NCAPD3: variants seen among roughly 807,000 people sequenced by gnomAD.
NCAPD3 encodes non-SMC condensin II complex subunit D3.
In NCAPD3, 105 loss-of-function variants were observed where a neutral mutation model predicts 182.9. The ratio of observed to expected loss-of-function variants is 0.57; its 90% CI spans 0.49 to 0.68. The LOEUF is 0.68. Among genes scored for constraint, NCAPD3 ranks in the 30% least tolerant of loss-of-function variants. NCAPD3 has a pLI of 0.00. For synonymous variants in NCAPD3, 815 were observed against 679.9 expected (o/e 1.20, Z -3.09); for missense variants, 1,944 against 1,837.0 (o/e 1.06, Z -1.07).
Position 134,203,073 on chromosome 11 carries a change from A to G in NCAPD3, c.1525+69T>C, listed in dbSNP as rs1040124581. On this transcript the variant is annotated intron_variant, in intron 12 of 34. Coordinates refer to ENST00000534548, the MANE Select transcript of NCAPD3 (RefSeq NM_015261.3). ...GCAGGTAAATAAGGAGGTAAGAAAA[A>G]CATTTTAAATATTCCACAAATTTTT... 5 of 1,331,528 alleles carry G rather than the reference A, an allele frequency of 3.8e-6. No homozygotes were observed. In the African/African-American group the frequency reaches 7.4e-5, roughly 20 times the overall value. The allele number at this position is 1,331,528 out of a possible 1,614,324, so 82.5% of individuals were successfully genotyped here.
At chr11:134,156,563 C>G (rs1226230385) in intron 32 of NCAPD3, among the ~76,000 whole-genome samples, 1 of 152,218 alleles carries the variant, frequency 6.6e-6, no homozygotes, top group Non-Finnish European at 1.5e-5. Flanking sequence ...GGGAATGAGA[C>G]ACAGGCTCCG....
At chr11:134,173,142 A>C (rs1591834322) in intron 24 of NCAPD3, 1 of 153,192 alleles carries the variant, frequency 6.5e-6, no homozygotes, top group African/African-American at 2.4e-5. Flanking sequence ...CTCAGAAGTG[A>C]CCATCGTCCA....
At position 134,204,801 on chromosome 11, in the gene NCAPD3, T is replaced by C; in HGVS notation, c.1089+98A>G. 1 of 959,134 alleles carries C rather than the reference T, an allele frequency of 1.0e-6. No individual in the cohort carries two copies. Among genetic ancestry groups the C allele is most frequent in the South Asian group, 1.7e-5 (1 of 58,774 alleles). The allele number at this position is 959,134 out of a possible 1,614,324, so 59.4% of individuals were successfully genotyped here. A position where few individuals can be genotyped will look rare whatever the true frequency, so the allele number is the denominator to read the frequency against. On this transcript the variant is annotated intron_variant, in intron 9 of 34. Transcript: ENST00000534548. The surrounding 1 kb of genome is among the most constrained non-coding windows in gnomAD (Gnocchi z 4.3). ...ACTTTAAGTAACAATGCACACTCATTCCCAAGAACAAATACCCACACTCAC... is the reference window on the plus strand; with the variant it reads ...ACTTTAAGTAACAATGCACACTCATCCCCAAGAACAAATACCCACACTCAC...
intron 13 of NCAPD3, among the ~76,000 whole-genome samples, chr11:134,197,273 C>CTTTTTTTTT (rs35691982): frequency 1.8e-5 from 2 of 111,976 alleles, no homozygotes; most frequent in Non-Finnish European, 1.8e-5. Context: ...AGTCTCACAT[C>CTTTTTTTTT]TTTTTTTTTT....
chr11:134,180,297 C>T (rs562542523), intron 20 of NCAPD3, among the ~76,000 whole-genome samples: 62 of 152,066 alleles, frequency 4.1e-4, no homozygotes, highest in African/African-American at 1.5e-3. Context: ...AGAGCTAGGC[C>T]AACAAGCAGA....
At chr11:134,210,132 G>A in intron 4 of NCAPD3, 138 bp downstream of exon 4, 1 of 663,698 alleles carries the variant, frequency 1.5e-6, no homozygotes, top group Non-Finnish European at 2.6e-6. Context: ...ACACAAAGCA[G>A]TATTGGATAG....
chr11:134,161,203 A>G (rs1943569310), intron 28 of NCAPD3, among the ~76,000 whole-genome samples: 1 of 152,284 alleles, frequency 6.6e-6, no homozygotes, highest in Admixed American at 6.5e-5. Context: ...ACTATGTTGC[A>G]TTTATTTCTT....
rs139464325 is a variant in NCAPD3 at position 134,185,436 on chromosome 11, C to T, written c.2136G>A (p.Thr712=). ...GCATCCAGGCAGGTGCCGAATGTTC[C>T]GTGCCAGTGTGAGATATTACATTGT... ...FINNVISHTG[T]EHSAPAWMLL... Residue 712 remains threonine (T), a synonymous_variant, in exon 17 of 35, where the codon ACG becomes ACA. Coordinates refer to ENST00000534548, the MANE Select transcript of NCAPD3 (RefSeq NM_015261.3). 26 of 1,613,824 alleles carry T rather than the reference C, an allele frequency of 1.6e-5. No homozygotes were observed. The highest frequency in any genetic ancestry group is 9.3e-5 in the African/African-American group (7 of 74,870).
chr11:134,201,548 A>T (rs1336575340), intron 13 of NCAPD3, among the ~76,000 whole-genome samples: 1 of 152,218 alleles, frequency 6.6e-6, no homozygotes, highest in Non-Finnish European at 1.5e-5. Context: ...GAAAAAGCAA[A>T]GAGAGCAAAG....
intron 27 of NCAPD3, among the ~76,000 whole-genome samples, chr11:134,162,748 C>G (rs565780298): frequency 6.6e-6 from 1 of 152,204 alleles, no homozygotes; most frequent in Non-Finnish European, 1.5e-5. Context: ...ATTCACTTGA[C>G]AAGTATTATC....
chr11:134,219,851 C>T (rs1372213028), intron 2 of NCAPD3, among the ~76,000 whole-genome samples: 1 of 152,108 alleles, frequency 6.6e-6, no homozygotes, highest in African/African-American at 2.4e-5. Context: ...GGCTGGAGTG[C>T]AGTGGCGTGA....
At chr11:134,177,687 C>T in intron 22 of NCAPD3, 2 of 524,456 alleles carry the variant, frequency 3.8e-6, no homozygotes, top group South Asian at 5.8e-5. Context: ...ATGGGATGTT[C>T]CTTTACACTA....
intron 22 of NCAPD3, 159 bp from the exon 23 acceptor site, chr11:134,177,616 C>T (rs2135975469): frequency 3.2e-6 from 2 of 624,672 alleles, no homozygotes; most frequent in East Asian, 5.5e-5. Context: ...CAGACAGACC[C>T]ATCTTGAATA....
chr11:134,183,620 G>A (rs143901145), intron 19 of NCAPD3, among the ~76,000 whole-genome samples: 7 of 152,118 alleles, frequency 4.6e-5, no homozygotes, highest in African/African-American at 1.4e-4. Flanking sequence ...GAGATAAAGG[G>A]TTAGAAAAAT....
At chr11:134,157,835 A>G in intron 31 of NCAPD3, 93 bp downstream of exon 31, 2 of 1,355,460 alleles carry the variant, frequency 1.5e-6, no homozygotes, top group South Asian at 3.3e-5. Flanking sequence ...AAAGATAAGA[A>G]AACACACCGC....
At chr11:134,198,385 C>T (rs918137498) in intron 13 of NCAPD3, among the ~76,000 whole-genome samples, 5 of 120 alleles carry the variant, frequency 0.042, no homozygotes, top group Middle Eastern at 0.5. Context: ...TGGAACCCTC[C>T]CCACCTTGTC....
chr11:134,202,749 G>T, intron 13 of NCAPD3, 67 bp downstream of exon 13: 16 of 1,178,930 alleles, frequency 1.4e-5, no homozygotes, highest in Non-Finnish European at 1.9e-5. Flanking sequence ...CAAGGTTTTA[G>T]ACTCTACTTA....
At chr11:134,220,126 T>C (rs1201543197) in intron 2 of NCAPD3, among the ~76,000 whole-genome samples, 1 of 152,072 alleles carries the variant, frequency 6.6e-6, no homozygotes, top group Non-Finnish European at 1.5e-5. Flanking sequence ...TTAAGGCATG[T>C]CTGAATTGTT....
At chr11:134,173,847 G>C (rs1324180948) in intron 24 of NCAPD3, among the ~76,000 whole-genome samples, 3 of 151,976 alleles carry the variant, frequency 2.0e-5, no homozygotes, top group Admixed American at 1.3e-4. Context: ...TGTGATCCCA[G>C]CTACTCGGGA....
Sources: gnomAD v4.1 joint callset for allele counts (sites outside exome capture counted in the v4.1 genomes callset) on GRCh38, gnomAD v4.1.1 for gene constraint, Gnocchi (gnomAD v3.1) non-coding constraint, MANE v1.5 for transcripts, NCBI Gene and HGNC (gene_info 2026-07-23, HGNC 2026-07-21) for gene names.